Variants in HDAC4 observed in about 807,000 individuals in gnomAD.
HDAC4 encodes histone deacetylase A.
HDAC4 carries 16 observed loss-of-function variants against 135.1 expected under a neutral mutation model. The ratio of observed to expected loss-of-function variants is 0.12; its 90% CI spans 0.08 to 0.18. The LOEUF is 0.18. HDAC4 is among the 10% of genes least tolerant of loss of function. The pLI is 1.00. For missense variants in HDAC4, 1,143 were observed against 1,511.8 expected, an observed-to-expected ratio of 0.76 and a Z score of 4.05; for synonymous variants, 685 against 653.4, an observed-to-expected ratio of 1.05 and a Z score of -0.74.
chr2:239,054,672 G>C (rs901810764), intron 25 of HDAC4, 77 bp downstream of exon 25: 1 of 923,962 alleles, frequency 1.1e-6, no homozygotes, highest in South Asian at 1.3e-5. Flanking sequence ...TGGGGGTATA[G>C]GGGGACAGGG....
chr2:239,324,224 C>A lies in HDAC4; in HGVS notation c.22+28454G>T, dbSNP rs1439173533. Among the ~76,000 whole-genome samples, 7 of 152,142 alleles carry A rather than the reference C, an allele frequency of 4.6e-5. No individual in the cohort carries two copies. The South Asian group carries it at 1.0e-3, about 22-fold the overall frequency. On this transcript the variant is annotated intron_variant, in intron 2 of 26. Coordinates refer to ENST00000543185, the MANE Select transcript of HDAC4 (RefSeq NM_001378414.1). ...GAATTTGAAACCCAAATTGGACACGCAAAGGCAAAAATGTAGCCACAATTA... is the reference window on the plus strand; with the variant it reads ...GAATTTGAAACCCAAATTGGACACGAAAAGGCAAAAATGTAGCCACAATTA...
At chr2:239,222,534 C>CAAAAAAA (rs10716644) in intron 3 of HDAC4, among the ~76,000 whole-genome samples, 3 of 112,248 alleles carry the variant, frequency 2.7e-5, no homozygotes, top group Admixed American at 9.5e-5. Flanking sequence ...TACCCCATAC[C>CAAAAAAA]AAAAAAAAAA....
At chr2:239,367,216 G>C (rs1263828097) in intron 1 of HDAC4, among the ~76,000 whole-genome samples, 1 of 152,082 alleles carries the variant, frequency 6.6e-6, no homozygotes, top group Non-Finnish European at 1.5e-5. Context: ...AATGTCATGT[G>C]CCCTTCTCTC....
chr2:239,081,155 A>G lies in HDAC4; in HGVS notation c.2690T>C (p.Met897Thr), dbSNP rs1379132299. 6.2e-7 allele frequency: 1 copy of G among 1,613,908 alleles called. No individual in the cohort carries two copies. Among genetic ancestry groups the G allele is most frequent in the Non-Finnish European group, 8.5e-7 (1 of 1,180,026 alleles). ...GGGGTCCAGGCCGCCGGTGAAAGCC[A>G]TGTTGACGTTGAAACCCACGCCGGG... is the stretch of plus-strand genomic sequence containing the variant. The part of the protein sequence containing the change: ...TGPGVGFNVN[M>T]AFTGGLDPPM... The change falls in exon 22 of 27, where the codon ATG becomes ACG. Residue 897 changes from methionine to threonine, a missense_variant. Physicochemically the swap from Met to Thr is moderately conservative, Grantham distance 81. Around this residue, in one of 9 missense-constraint regions of HDAC4, gnomAD observed 189 missense variants for 317.6 expected, o/e 0.60. Transcript: ENST00000543185.
At chr2:239,372,387 C>G (rs1414855866) in intron 1 of HDAC4, among the ~76,000 whole-genome samples, 1 of 152,264 alleles carries the variant, frequency 6.6e-6, no homozygotes, top group Non-Finnish European at 1.5e-5. Flanking sequence ...GTTGTTACCA[C>G]AAGAGTAACA....
chr2:239,059,971 T>A (rs539533369), intron 24 of HDAC4, among the ~76,000 whole-genome samples: 107 of 152,210 alleles, frequency 7.0e-4, no homozygotes, highest in African/African-American at 2.4e-3. Flanking sequence ...TCCGTCACAC[T>A]CGTAGTTCTC....
At position 239,289,018 on chromosome 2, in the gene HDAC4, A is replaced by T. The variant is rs2051305512; in HGVS notation, c.23-52354T>A. Among the ~76,000 whole-genome samples the T allele has an allele frequency of 2.0e-5, 3 of 152,230 alleles. No individual in the cohort carries two copies. In the South Asian group the frequency reaches 6.2e-4, roughly 31 times the overall value. ...GGGGAGTGCGGCTGCAGCGCCTGTC[A>T]AGGAGACAGTGCCCTGCTGGCCCCA... On this transcript the variant is annotated intron_variant, in intron 2 of 26. Transcript: ENST00000543185.
At chr2:239,388,806 G>C (rs1696004103) in intron 1 of HDAC4, among the ~76,000 whole-genome samples, 1 of 152,224 alleles carries the variant, frequency 6.6e-6, no homozygotes, top group African/African-American at 2.4e-5. Context: ...AGTGTGTGGA[G>C]GGATCTCCCT....
At chr2:239,259,622 TAGA>T (rs761823096) in intron 2 of HDAC4, among the ~76,000 whole-genome samples, 9 of 152,184 alleles carry the variant, frequency 5.9e-5, no homozygotes, top group Non-Finnish European at 1.2e-4. Flanking sequence ...TTCAAAGGCT[TAGA>T]AACAAACGGA....
chr2:239,074,137 C>T (rs1285502019), intron 22 of HDAC4, among the ~76,000 whole-genome samples: 1 of 152,212 alleles, frequency 6.6e-6, no homozygotes, highest in East Asian at 1.9e-4. Flanking sequence ...CAACTGTCCA[C>T]ATCATCCCAA....
intron 1 of HDAC4, among the ~76,000 whole-genome samples, chr2:239,357,729 AT>A (rs200237049): frequency 2.2e-4 from 33 of 149,604 alleles, no homozygotes; most frequent in African/African-American, 4.2e-4. Context: ...ACAAAAAATA[AT>A]AAAAAAAAAT....
chr2:239,111,068 C>T (rs755625415), intron 14 of HDAC4, among the ~76,000 whole-genome samples: 12 of 152,262 alleles, frequency 7.9e-5, no homozygotes, highest in South Asian at 2.1e-4. Context: ...CCAGGGGTCC[C>T]GGGCTCTGCT....
intron 3 of HDAC4, among the ~76,000 whole-genome samples, chr2:239,196,932 C>T (rs974082033): frequency 1.3e-5 from 2 of 152,300 alleles, no homozygotes; most frequent in South Asian, 2.1e-4. Context: ...CCGGCCCAGA[C>T]GCTGCCTCCG....
At chr2:239,239,042 T>A (rs190073335) in intron 2 of HDAC4, among the ~76,000 whole-genome samples, 2 of 152,348 alleles carry the variant, frequency 1.3e-5, no homozygotes, top group Admixed American at 1.3e-4. Flanking sequence ...CAATCCTGTA[T>A]ACTGGCGGGT....
chr2:239,202,676 CA>C (rs1295646891), intron 3 of HDAC4, among the ~76,000 whole-genome samples: 1 of 152,066 alleles, frequency 6.6e-6, no homozygotes, highest in Non-Finnish European at 1.5e-5. Context: ...CAGGGCCATG[CA>C]ACATGGAGAA....
chr2:239,322,813 C>T (rs2053357764), intron 2 of HDAC4, among the ~76,000 whole-genome samples: 1 of 152,176 alleles, frequency 6.6e-6, no homozygotes, highest in Non-Finnish European at 1.5e-5. Flanking sequence ...CCACTCCTGG[C>T]TTCGATAAGC....
chr2:239,367,661 T>C (rs1694309083), intron 1 of HDAC4, among the ~76,000 whole-genome samples: 1 of 152,192 alleles, frequency 6.6e-6, no homozygotes, highest in Non-Finnish European at 1.5e-5. Flanking sequence ...TGAAATTACC[T>C]TCACATTATA....
In HDAC4 at chr2:239,111,671, C is replaced by T. The variant is rs2038683824; in HGVS notation, c.1833G>A (p.Arg611=). Residue 611 remains arginine (R), a synonymous_variant, in exon 14 of 27, where the codon AGG becomes AGA. Coordinates refer to ENST00000543185, the MANE Select transcript of HDAC4 (RefSeq NM_001378414.1). ...CGGCCTCCATGGACGCCTGGTAGTT[C>T]CTCAGCTGGTGGATCCGCTGCTGCT... The part of the protein sequence containing the change: ...LLEQQRIHQL[R]NYQASMEAAG... 6.2e-7 allele frequency: 1 copy of T among 1,604,918 alleles called. No homozygotes were observed. The highest frequency in any genetic ancestry group is 2.3e-5 in the East Asian group (1 of 44,426).
chr2:239,391,082 C>T (rs999720645), intron 1 of HDAC4, among the ~76,000 whole-genome samples: 7 of 152,178 alleles, frequency 4.6e-5, no homozygotes, highest in African/African-American at 1.7e-4. Flanking sequence ...GGCTCGGCCT[C>T]GATACGAATC....
Sources: gnomAD v4.1 joint callset for allele counts (sites outside exome capture counted in the v4.1 genomes callset) on GRCh38, gnomAD v4.1.1 for gene constraint, gnomAD v4.1.1 regional missense constraint, MANE v1.5 for transcripts, NCBI Gene and HGNC (gene_info 2026-07-23, HGNC 2026-07-21) for gene names.